The following ACBD3 variants were observed in gnomAD, a reference collection of about 807,000 sequenced individuals.
ACBD3 encodes the protein Golgi resident protein GCP60.
ACBD3 carries 30 observed loss-of-function variants against 66.9 expected under a neutral mutation model. That is an observed-to-expected ratio of 0.45 (90% CI 0.34 to 0.61). The LOEUF is 0.61. ACBD3 is among the 20% of genes least tolerant of loss of function. ACBD3 has a pLI of 0.02. For missense variants in ACBD3, 544 were observed against 664.5 expected (o/e 0.82, Z 1.99); for synonymous variants, 278 against 259.8 (o/e 1.07, Z -0.68).
chr1:226,147,635 ATAG>A (rs1234402598), intron 7 of ACBD3, among the ~76,000 whole-genome samples: 1 of 152,222 alleles, frequency 6.6e-6, no homozygotes, highest in Non-Finnish European at 1.5e-5. Context: ...TGAAAAAATC[ATAG>A]TAGAGAGATA....
intron 1 of ACBD3, among the ~76,000 whole-genome samples, chr1:226,167,148 A>G (rs1659891859): frequency 6.6e-6 from 1 of 152,202 alleles, no homozygotes. Flanking sequence ...CAAAAGAGAA[A>G]AGAAAAACTT....
At chr1:226,171,399 T>C (rs1416640178) in intron 1 of ACBD3, among the ~76,000 whole-genome samples, 1 of 152,164 alleles carries the variant, frequency 6.6e-6, no homozygotes, top group Non-Finnish European at 1.5e-5. Context: ...TCCACCCACC[T>C]TGGCCTCCCA....
Position 226,186,470 on chromosome 1 carries a change from G to T in ACBD3, c.206C>A (p.Ala69Glu). The change falls in exon 1 of 8, where the codon GCG becomes GAG. Residue 69 changes from alanine (A) to glutamate (E), a missense_variant. Ala to Glu is a moderately radical substitution (Grantham distance 107). Coordinates refer to ENST00000366812, the MANE Select transcript of ACBD3 (RefSeq NM_022735.4). The stretch of plus-strand genomic sequence containing the variant: ...CTGCTCCAGCCGCCGCGCCTCCTCC[G>T]CCGCGCCCCCAGCCGCCGCCTCCCC... ...EPGEAAAGGA[A>E]EEARRLEQRW... is the part of the protein sequence containing the mutation. The T allele has an allele frequency of 6.7e-7, 1 of 1,498,242 alleles. No homozygotes were observed. The highest frequency in any genetic ancestry group is 8.9e-7 in the Non-Finnish European group (1 of 1,126,234). The allele number at this position is 1,498,242 out of a possible 1,614,324, so 92.8% of individuals were successfully genotyped here. A position where few individuals can be genotyped will look rare whatever the true frequency, so the allele number is the denominator to read the frequency against.
At chr1:226,161,399 C>T in intron 4 of ACBD3, 132 bp downstream of exon 4, 1 of 1,255,220 alleles carries the variant, frequency 8.0e-7, no homozygotes, top group South Asian at 1.4e-5. Context: ...CTCAGGTGAT[C>T]TGCCCGCCTC....
rs1240931511 is a variant in ACBD3 at position 226,145,063 on chromosome 1, C to T, written c.*1547G>A. 1 of 152,376 alleles carries T rather than the reference C, an allele frequency of 6.6e-6. No homozygotes were observed. Among genetic ancestry groups the T allele is most frequent in the Admixed American group, 6.6e-5 (1 of 15,248 alleles). 9.4% of individuals were successfully genotyped at this position (152,376 alleles called of 1,614,324 possible). On this transcript the variant is annotated 3_prime_UTR_variant, in exon 8 of 8. Transcript: ENST00000366812. ...ATGTACATGAAAGCTGACAGAGAGCCTGACAAATGTTCTGGATGTAACAGT... is the reference window on the plus strand; with the variant it reads ...ATGTACATGAAAGCTGACAGAGAGCTTGACAAATGTTCTGGATGTAACAGT...
At chr1:226,183,261 C>T (rs894726834) in intron 1 of ACBD3, among the ~76,000 whole-genome samples, 1 of 152,076 alleles carries the variant, frequency 6.6e-6, no homozygotes, top group Non-Finnish European at 1.5e-5. Flanking sequence ...CTGCAAGCTC[C>T]GCCTTGAGGG....
chr1:226,178,565 A>C (rs1417286437), intron 1 of ACBD3, among the ~76,000 whole-genome samples: 1 of 97,044 alleles, frequency 1.0e-5, no homozygotes, highest in South Asian at 3.3e-4. Flanking sequence ...ACAGAGCAAG[A>C]CTCCGTCTCA....
chr1:226,154,982 G>C (rs1286450242), intron 5 of ACBD3, 149 bp from the exon 6 acceptor site: 9 of 485,204 alleles, frequency 1.9e-5, no homozygotes, highest in East Asian at 3.3e-5. Context: ...TTTTTATCCT[G>C]TCTATAATGA....
chr1:226,173,938 T>C lies in ACBD3; in HGVS notation c.287-7938A>G, dbSNP rs145458290. Among the ~76,000 whole-genome samples, 1,340 of 151,926 alleles carry C rather than the reference T, an allele frequency of 8.8e-3. 74 individuals are homozygous for C. Among genetic ancestry groups the C allele is most frequent in the Admixed American group, 0.074 (1,128 of 15,242 alleles). ...CTACCACACCTAGCTAATTTTTTTA[T>C]TTTTAGTACAGAAGGGGTTTCACCA... is the stretch of plus-strand genomic sequence containing the variant. On this transcript the variant is annotated intron_variant, in intron 1 of 7. Coordinates refer to ENST00000366812, the MANE Select transcript of ACBD3 (RefSeq NM_022735.4).
At chr1:226,170,120 G>C (rs1194124909) in intron 1 of ACBD3, among the ~76,000 whole-genome samples, 1 of 150,268 alleles carries the variant, frequency 6.7e-6, no homozygotes, top group Non-Finnish European at 1.5e-5. Context: ...AGATGTGGTG[G>C]GCCTGAGACT....
chr1:226,156,189 C>T (rs1236593534), intron 5 of ACBD3, among the ~76,000 whole-genome samples: 1 of 152,146 alleles, frequency 6.6e-6, no homozygotes, highest in Non-Finnish European at 1.5e-5. Flanking sequence ...GGGCACCTGC[C>T]CTGAAGGGTA....
chr1:226,181,227 T>C (rs1380954026), intron 1 of ACBD3, among the ~76,000 whole-genome samples: 1 of 152,182 alleles, frequency 6.6e-6, no homozygotes, highest in African/African-American at 2.4e-5. Flanking sequence ...TGTTCCATAG[T>C]AACAAACTTG....
At chr1:226,161,845 T>C (rs563081668) in intron 3 of ACBD3, among the ~76,000 whole-genome samples, 156 bp from the exon 4 acceptor site, 3 of 152,364 alleles carry the variant, frequency 2.0e-5, no homozygotes, top group East Asian at 1.9e-4. Flanking sequence ...CAGAAACTTA[T>C]AGGGAATCAA....
chr1:226,159,848 C>G (rs1045473387), intron 4 of ACBD3, among the ~76,000 whole-genome samples: 2 of 152,138 alleles, frequency 1.3e-5, no homozygotes, highest in Non-Finnish European at 2.9e-5. Context: ...TCATCTCTGA[C>G]ATAGATGAGG....
intron 1 of ACBD3, among the ~76,000 whole-genome samples, chr1:226,173,530 C>T (rs527900009): frequency 6.6e-6 from 1 of 151,794 alleles, no homozygotes; most frequent in South Asian, 2.1e-4. Context: ...CTGTGCTAAC[C>T]CCAACCACTT....
chr1:226,161,485 T>C, intron 4 of ACBD3, 46 bp downstream of exon 4: 3 of 1,604,014 alleles, frequency 1.9e-6, no homozygotes, highest in Non-Finnish European at 1.7e-6. Context: ...TATTCTATTT[T>C]TTTTCCATTT....
intron 1 of ACBD3, among the ~76,000 whole-genome samples, chr1:226,172,186 AGTGCTAGTCCTGGTC>A (rs758080044): frequency 0.023 from 2,675 of 115,354 alleles, 131 homozygotes; most frequent in Non-Finnish European, 0.036. Context: ...ATACATTTTC[AGTGCTAGTCCTGGTC>A]AGGCAAACAG....
rs771927343 is a variant in ACBD3, at chr1:226,148,953, A to G, written c.1376-2132T>C. ...TGTTTTAGCTGCAAATCATTTTATG[A>G]TTAGGAATGGTACAAGTACAGGGAA... On this transcript the variant is annotated intron_variant, in intron 7 of 7. Coordinates refer to ENST00000366812, the MANE Select transcript of ACBD3 (RefSeq NM_022735.4). Among the ~76,000 whole-genome samples, 8 of 152,202 alleles carry G rather than the reference A, an allele frequency of 5.3e-5. 1 individual carries two copies. Among genetic ancestry groups the G allele is most frequent in the Non-Finnish European group, 5.9e-5 (4 of 68,030 alleles).
intron 7 of ACBD3, among the ~76,000 whole-genome samples, chr1:226,151,799 A>T (rs2102774851): frequency 6.6e-6 from 1 of 152,282 alleles, no homozygotes; most frequent in African/African-American, 2.4e-5. Flanking sequence ...CAAGGTCAGG[A>T]GTTCGAGACC....
Sources: allele counts gnomAD v4.1 joint callset (sites outside exome capture counted in the v4.1 genomes callset), GRCh38; gene constraint gnomAD v4.1.1; transcripts MANE v1.5; gene names NCBI Gene and HGNC (gene_info 2026-07-23, HGNC 2026-07-21).